ITPR2: variants seen among roughly 807,000 people sequenced by gnomAD.
ITPR2 encodes inositol 1,4,5-trisphosphate receptor type 2.
In ITPR2, 207 loss-of-function variants were observed where a neutral mutation model predicts 317.1. That is an observed-to-expected ratio of 0.65 (90% CI 0.58 to 0.73). The LOEUF is 0.73. Among genes scored for constraint, ITPR2 ranks in the 30% least tolerant of loss-of-function variants. The pLI is 0.00. For missense variants in ITPR2, 2,613 were observed against 3,284.0 expected, an observed-to-expected ratio of 0.80 and a Z score of 4.99; for synonymous variants, 1,156 against 1,149.1, an observed-to-expected ratio of 1.01 and a Z score of -0.12.
At chr12:26,772,450 T>TTATATATATAATACATGTATTATATATAA (rs1949868392) in intron 2 of ITPR2, among the ~76,000 whole-genome samples, 3 of 74,040 alleles carry the variant, frequency 4.1e-5, no homozygotes, top group Non-Finnish European at 9.2e-5. Flanking sequence ...ATTATATATA[T>TTATATATATAATACATGTATTATATATAA]TATATATATA....
At chr12:26,426,494 C>A (rs78987903) in intron 49 of ITPR2, among the ~76,000 whole-genome samples, 2 of 152,178 alleles carry the variant, frequency 1.3e-5, no homozygotes, top group Non-Finnish European at 2.9e-5. Context: ...AGGAGTGAGG[C>A]AGGTAGGGCT....
chr12:26,771,617 C>T (rs1355025139), intron 2 of ITPR2, among the ~76,000 whole-genome samples: 1 of 152,168 alleles, frequency 6.6e-6, no homozygotes. Context: ...CGGGTTCACA[C>T]CATTCTCCTG....
At chr12:26,791,898 C>A (rs1486917459) in intron 1 of ITPR2, among the ~76,000 whole-genome samples, 1 of 152,112 alleles carries the variant, frequency 6.6e-6, no homozygotes, top group African/African-American at 2.4e-5. Flanking sequence ...AATTCAAATA[C>A]AATGGTCAAA....
At position 26,337,369 on chromosome 12, in the gene ITPR2, T is replaced by C. The variant is rs1937951878; in HGVS notation, c.*2028A>G. 1 of 152,232 alleles carries C rather than the reference T, an allele frequency of 6.6e-6. No homozygotes were observed. Among genetic ancestry groups the C allele is most frequent in the Non-Finnish European group, 1.5e-5 (1 of 68,024 alleles). The allele number at this position is 152,232 out of a possible 1,614,324, so 9.4% of individuals were successfully genotyped here. On this transcript the variant is annotated 3_prime_UTR_variant, in exon 57 of 57. Transcript: ENST00000381340. ...GTACTAAAACAGAGATAGGTTCCTATATTGGAATATGTTCAATATTTACTA... is the reference window on the plus strand; with the variant it reads ...GTACTAAAACAGAGATAGGTTCCTACATTGGAATATGTTCAATATTTACTA...
At chr12:26,533,553 A>G (rs945216103) in intron 37 of ITPR2, among the ~76,000 whole-genome samples, 1 of 152,218 alleles carries the variant, frequency 6.6e-6, no homozygotes, top group African/African-American at 2.4e-5. Context: ...ACCTTAGAAT[A>G]TAACCATATT....
chr12:26,796,923 G>A (rs1253779479), intron 1 of ITPR2, among the ~76,000 whole-genome samples: 3 of 152,114 alleles, frequency 2.0e-5, no homozygotes, highest in Non-Finnish European at 4.4e-5. Context: ...TGTAATCCCA[G>A]CTACTCGGGA....
intron 45 of ITPR2, among the ~76,000 whole-genome samples, chr12:26,446,532 T>C (rs1941612551): frequency 6.6e-6 from 1 of 152,084 alleles, no homozygotes; most frequent in Non-Finnish European, 1.5e-5. Flanking sequence ...ATTGCTACAG[T>C]TATTTTAAGA....
intron 45 of ITPR2, among the ~76,000 whole-genome samples, chr12:26,469,028 T>C (rs78450149): frequency 0.039 from 5,914 of 152,284 alleles, 131 homozygotes; most frequent in Middle Eastern, 0.11. Flanking sequence ...TCTTTCAAGA[T>C]TTAGTTCAAA....
intron 5 of ITPR2, among the ~76,000 whole-genome samples, chr12:26,717,910 G>T (rs1948769101): frequency 6.6e-6 from 1 of 152,102 alleles, no homozygotes; most frequent in South Asian, 2.1e-4. Flanking sequence ...TTCTCCCTAG[G>T]AAAACACGTG....
At position 26,715,278 on chromosome 12, in the gene ITPR2, T is replaced by G. The variant is rs375890054; in HGVS notation, c.855+21A>C. 9.4e-6 allele frequency: 15 copies of G among 1,592,990 alleles called. No homozygotes were observed. In the African/African-American group the frequency reaches 2.0e-4, roughly 22 times the overall value. ...CTTTTTGATCTAAATATTTATTAAGTGCCAAAAAACATTTACATACCTCTA... is the reference window on the plus strand; with the variant it reads ...CTTTTTGATCTAAATATTTATTAAGGGCCAAAAAACATTTACATACCTCTA... On this transcript the variant is annotated intron_variant, in intron 8 of 56. Transcript: ENST00000381340.
intron 35 of ITPR2, among the ~76,000 whole-genome samples, chr12:26,558,277 G>A (rs1944718094): frequency 6.6e-6 from 1 of 152,184 alleles, no homozygotes; most frequent in South Asian, 2.1e-4. Context: ...CTGCTGTGAT[G>A]TGAATTCTGT....
intron 55 of ITPR2, among the ~76,000 whole-genome samples, chr12:26,352,336 T>C (rs1938508358): frequency 6.6e-6 from 1 of 152,240 alleles, no homozygotes; most frequent in Non-Finnish European, 1.5e-5. Flanking sequence ...GGAGCCAGCT[T>C]CCAGCACTCA....
intron 2 of ITPR2, among the ~76,000 whole-genome samples, chr12:26,777,177 T>A (rs1310698052): frequency 2.6e-5 from 4 of 152,220 alleles, no homozygotes; most frequent in Non-Finnish European, 5.9e-5. Context: ...TGGCCCACTG[T>A]GAGCAAGCGG....
chr12:26,628,231 C>T (rs1946668524), intron 22 of ITPR2, 69 bp from the exon 23 acceptor site: 1 of 1,221,754 alleles, frequency 8.2e-7, no homozygotes, highest in Non-Finnish European at 1.1e-6. Flanking sequence ...CAATTCACAA[C>T]ACACCAATAA....
At chr12:26,826,629 C>T (rs1168390817) in intron 1 of ITPR2, among the ~76,000 whole-genome samples, 20 of 152,178 alleles carry the variant, frequency 1.3e-4, no homozygotes, top group Admixed American at 1.3e-3. Context: ...GAAGTCAGCG[C>T]ATCAATTGGT....
At chr12:26,557,122 A>G (rs1022372481) in intron 35 of ITPR2, among the ~76,000 whole-genome samples, 1 of 152,198 alleles carries the variant, frequency 6.6e-6, no homozygotes, top group African/African-American at 2.4e-5. Context: ...GGTCATTCAG[A>G]ATGAATCATT....
intron 13 of ITPR2, among the ~76,000 whole-genome samples, chr12:26,671,713 T>C (rs1947776857): frequency 6.6e-6 from 1 of 152,012 alleles, no homozygotes; most frequent in African/African-American, 2.4e-5. Context: ...TAACTTTAAA[T>C]GTAAATGGAC....
At chr12:26,411,146 A>G in intron 52 of ITPR2, 174 bp downstream of exon 52, 1 of 562,592 alleles carries the variant, frequency 1.8e-6, no homozygotes, top group Non-Finnish European at 3.2e-6. Flanking sequence ...GTACAAAATG[A>G]CCAATGTGGG....
intron 45 of ITPR2, among the ~76,000 whole-genome samples, chr12:26,461,601 G>A (rs1942019773): frequency 7.5e-6 from 1 of 133,562 alleles, no homozygotes; most frequent in African/African-American, 3.1e-5. Context: ...TCACAAAGCT[G>A]ACAATAAGAA....
Sources: gnomAD v4.1 joint callset for allele counts (sites outside exome capture counted in the v4.1 genomes callset) on GRCh38, gnomAD v4.1.1 for gene constraint, MANE v1.5 for transcripts, NCBI Gene and HGNC (gene_info 2026-07-23, HGNC 2026-07-21) for gene names.